KIAA0586: variants seen among roughly 807,000 people sequenced by gnomAD.
KIAA0586 encodes the protein KIAA0586, also known as protein TALPID3.
In KIAA0586, 144 loss-of-function variants were observed where a neutral mutation model predicts 169.8. That is an observed-to-expected ratio of 0.85 (90% confidence interval 0.74 to 0.97). The LOEUF is 0.97. Among genes scored for constraint, KIAA0586 ranks in the 50% least tolerant of loss-of-function variants. The pLI, the probability that KIAA0586 is intolerant of heterozygous loss-of-function variation, is 0.00. For missense variants in KIAA0586, 1,854 were observed against 1,823.0 expected, an observed-to-expected ratio of 1.02 and a Z score of -0.31; for synonymous variants, 625 against 612.4, an observed-to-expected ratio of 1.02 and a Z score of -0.30.
intron 14 of KIAA0586, among the ~76,000 whole-genome samples, chr14:58,463,200 A>G (rs2040476442): frequency 6.6e-6 from 1 of 152,092 alleles, no homozygotes; most frequent in African/African-American, 2.4e-5. Context: ...TGACCATTCT[A>G]TTCAAAGAAT....
chr14:58,545,761 A>G (rs970751619), intron 30 of KIAA0586, among the ~76,000 whole-genome samples: 1 of 152,020 alleles, frequency 6.6e-6, no homozygotes, highest in African/African-American at 2.4e-5. Flanking sequence ...CACATCTGTA[A>G]TGTCAGCACT....
At chr14:58,543,763 A>G (rs1257119648) in intron 30 of KIAA0586, 2 of 345,174 alleles carry the variant, frequency 5.8e-6, no homozygotes, top group African/African-American at 4.4e-5. Context: ...CCCTATTTCC[A>G]CTGCCAAGGA....
chr14:58,487,921 T>C lies in KIAA0586; in HGVS notation c.3339T>C (p.Thr1113=). The change falls in exon 23 of 31, where the codon ACT becomes ACC. Residue 1113 remains threonine (T), a synonymous_variant. Coordinates refer to ENST00000652326, the MANE Select transcript of KIAA0586 (RefSeq NM_001329943.3). The stretch of plus-strand genomic sequence containing the variant: ...TGCCTGCCATCATGCTTGTTAATAC[T>C]CCAACAGTTACCCCTACTACTACAC... The part of the protein sequence containing the change: ...DDMPAIMLVN[T]PTVTPTTTPP... 1 of 1,613,478 alleles carries C rather than the reference T, an allele frequency of 6.2e-7. No homozygotes were observed. Among genetic ancestry groups the C allele is most frequent in the Non-Finnish European group, 8.5e-7 (1 of 1,179,736 alleles).
intron 9 of KIAA0586, among the ~76,000 whole-genome samples, chr14:58,454,109 T>C (rs2039625016): frequency 6.6e-6 from 1 of 152,212 alleles, no homozygotes; most frequent in Non-Finnish European, 1.5e-5. Flanking sequence ...TCACTGTTCC[T>C]CCCTTAGTGC....
intron 29 of KIAA0586, among the ~76,000 whole-genome samples, chr14:58,527,891 A>G (rs1333614533): frequency 1.3e-5 from 2 of 152,226 alleles, no homozygotes; most frequent in African/African-American, 4.8e-5. Context: ...TAAATGCCCC[A>G]ATTAAAAGAA....
intron 18 of KIAA0586, among the ~76,000 whole-genome samples, chr14:58,473,467 G>A (rs1034000452): frequency 1.3e-5 from 2 of 152,032 alleles, no homozygotes; most frequent in African/African-American, 4.8e-5. Context: ...GTTATGATGT[G>A]GTAATGCAAA....
At chr14:58,479,397 T>C (rs574910000) in intron 20 of KIAA0586, among the ~76,000 whole-genome samples, 22 of 152,344 alleles carry the variant, frequency 1.4e-4, no homozygotes, top group African/African-American at 4.3e-4. Context: ...AGTATGAAGT[T>C]TTTTATCTAT....
At chr14:58,547,696 C>A in intron 30 of KIAA0586, 85 bp from the exon 31 acceptor site, 1 of 1,226,458 alleles carries the variant, frequency 8.2e-7, no homozygotes, top group Non-Finnish European at 1.1e-6. Flanking sequence ...CCCCCCACCC[C>A]AACCTCATAT....
Position 58,492,258 on chromosome 14 carries a change from GCAGTCTAT to G in KIAA0586, c.3976_3983del (p.Val1326PhefsTer10). 1 of 1,550,566 alleles carries G rather than the reference GCAGTCTAT, an allele frequency of 6.4e-7. No individual in the cohort carries two copies. Among genetic ancestry groups the G allele is most frequent in the Non-Finnish European group, 8.7e-7 (1 of 1,146,744 alleles). On this transcript the variant is annotated frameshift_variant, in exon 26 of 31. Transcript: ENST00000652326. LOFTEE classifies it high-confidence loss of function. ...CCAGGAGTCAGCAGTTTCCCAGCAA[GCAGTCTAT>G]CATTCAGAGGTACTTTTTAACTTTA...
intron 9 of KIAA0586, among the ~76,000 whole-genome samples, chr14:58,453,887 C>T (rs539574939): frequency 1.7e-4 from 26 of 151,932 alleles, no homozygotes; most frequent in African/African-American, 6.0e-4. Context: ...TGAAATTTTA[C>T]ATAATAAAAA....
chr14:58,482,621 C>T lies in KIAA0586; in HGVS notation c.3053C>T (p.Ala1018Val), dbSNP rs182274649. The change falls in exon 21 of 31, where the codon GCT (alanine) becomes GTT (valine). Residue 1018 changes from alanine to valine, a missense_variant. Physicochemically the swap from Ala to Val is moderately conservative, Grantham distance 64. Transcript: ENST00000652326. ...AACGAAGCTCTTGCTGAGACCATTG[C>T]TGTCATGCTGGGTGACAGAGAAGCA... ...FVNEALAETI[A>V]VMLGDREAKK... is the part of the protein sequence containing the mutation. 1.9e-6 allele frequency: 3 copies of T among 1,609,100 alleles called. No homozygotes were observed. The highest frequency in any genetic ancestry group is 2.2e-5 in the East Asian group (1 of 44,598).
intron 29 of KIAA0586, among the ~76,000 whole-genome samples, chr14:58,529,409 A>G (rs1260988563): frequency 6.6e-6 from 1 of 152,210 alleles, no homozygotes; most frequent in Non-Finnish European, 1.5e-5. Flanking sequence ...CAAAAAAAAG[A>G]AAATTTCAGG....
chr14:58,507,680 T>C (rs1442574278), intron 27 of KIAA0586, among the ~76,000 whole-genome samples: 1 of 152,126 alleles, frequency 6.6e-6, no homozygotes, highest in Non-Finnish European at 1.5e-5. Context: ...TGAAAGTGCT[T>C]GGAGTATATA....
intron 9 of KIAA0586, among the ~76,000 whole-genome samples, chr14:58,455,099 A>G (rs959309456): frequency 6.6e-6 from 1 of 152,130 alleles, no homozygotes. Context: ...TCTTCTGCCA[A>G]CTCAAATATG....
At chr14:58,527,202 A>G (rs1277812182) in intron 29 of KIAA0586, among the ~76,000 whole-genome samples, 3 of 152,198 alleles carry the variant, frequency 2.0e-5, no homozygotes, top group South Asian at 2.1e-4. Flanking sequence ...ATATGGGGCT[A>G]TGTGAAAAGA....
chr14:58,544,456 A>G (rs941267480), intron 30 of KIAA0586, among the ~76,000 whole-genome samples: 2 of 152,182 alleles, frequency 1.3e-5, no homozygotes, highest in South Asian at 2.1e-4. Flanking sequence ...ATTACTTTCC[A>G]TAATGATTGA....
chr14:58,547,545 T>G (rs1437787810), intron 30 of KIAA0586, among the ~76,000 whole-genome samples: 1 of 152,132 alleles, frequency 6.6e-6, no homozygotes, highest in Non-Finnish European at 1.5e-5. Flanking sequence ...ATCACAACTT[T>G]TAGCTTGTAT....
At chr14:58,465,635 G>A (rs2040697334) in intron 14 of KIAA0586, among the ~76,000 whole-genome samples, 200 bp from the exon 15 acceptor site, 1 of 152,128 alleles carries the variant, frequency 6.6e-6, no homozygotes, top group Non-Finnish European at 1.5e-5. Context: ...CTGAGATCAC[G>A]TGGCCTGCCA....
chr14:58,450,486 A>G (rs1222489288), intron 7 of KIAA0586, 93 bp from the exon 8 acceptor site: 3 of 692,152 alleles, frequency 4.3e-6, no homozygotes, highest in Non-Finnish European at 4.9e-6. Context: ...TATAATTTTG[A>G]ATTTATTTTT....
Sources: gnomAD v4.1 joint callset for allele counts (sites outside exome capture counted in the v4.1 genomes callset) on GRCh38, gnomAD v4.1.1 for gene constraint, MANE v1.5 for transcripts, NCBI Gene and HGNC (gene_info 2026-07-23, HGNC 2026-07-21) for gene names.